Variants in DNAH8 observed in about 807,000 individuals in gnomAD.
DNAH8 encodes axonemal beta dynein heavy chain 8.
A neutral mutation model predicts 562.1 loss-of-function variants in DNAH8; 382 were observed. The ratio of observed to expected loss-of-function variants is 0.68; its 90% CI spans 0.63 to 0.74. The LOEUF (loss-of-function observed/expected upper bound fraction) is 0.74, where lower values mean the gene tolerates loss of function less well. DNAH8 is among the 30% of genes least tolerant of loss of function. The pLI is 0.00. For synonymous variants in DNAH8, 1,881 were observed against 1,919.4 expected, an observed-to-expected ratio of 0.98 and a Z score of 0.52; for missense variants, 5,203 against 5,620.4, an observed-to-expected ratio of 0.93 and a Z score of 2.37.
chr6:38,915,473 T>A, intron 68 of DNAH8, 96 bp downstream of exon 68: 2 of 1,003,086 alleles, frequency 2.0e-6, no homozygotes, highest in Non-Finnish European at 2.7e-6. Flanking sequence ...AATTGAATTC[T>A]TAATGTGATT....
At chr6:38,997,820 C>T (rs904890767) in intron 88 of DNAH8, among the ~76,000 whole-genome samples, 12 of 152,288 alleles carry the variant, frequency 7.9e-5, no homozygotes, top group South Asian at 2.1e-4. Context: ...TGCAGTGGTG[C>T]GATCTCAGCT....
chr6:38,876,036 C>T lies in DNAH8; in HGVS notation c.7858+208C>T, dbSNP rs16891162. Among the ~76,000 whole-genome samples the T allele has an allele frequency of 0.01, 1,566 of 152,276 alleles. 89 individuals are homozygous for T. The East Asian group carries it at 0.15, about 14-fold the overall frequency. Reference sequence around the variant, plus strand: ...CTGATATTGAGACTCTTGACTTCTCCTTTTGGAGTGGGCTCAGTAAAATCT... The same window carrying T: ...CTGATATTGAGACTCTTGACTTCTCTTTTTGGAGTGGGCTCAGTAAAATCT... On this transcript the variant is annotated intron_variant, in intron 53 of 92. Transcript: ENST00000327475.
chr6:38,813,041 T>C (rs912027737), intron 24 of DNAH8, among the ~76,000 whole-genome samples: 9 of 152,228 alleles, frequency 5.9e-5, no homozygotes, highest in African/African-American at 2.2e-4. Flanking sequence ...ATTTTCTCTC[T>C]CTTTGTATTT....
intron 13 of DNAH8, 86 bp downstream of exon 13, chr6:38,776,037 A>G (rs1768032029): frequency 1.2e-6 from 1 of 813,792 alleles, no homozygotes; most frequent in African/African-American, 1.7e-5. Context: ...ATTCACATGT[A>G]GTAAGTGTTT....
At chr6:38,745,561 C>G (rs760052668) in intron 8 of DNAH8, among the ~76,000 whole-genome samples, 1 of 152,136 alleles carries the variant, frequency 6.6e-6, no homozygotes, top group African/African-American at 2.4e-5. Flanking sequence ...GTACAATGAT[C>G]AAAATGAAGG....
chr6:39,015,322 T>G (rs1766491320), intron 91 of DNAH8, among the ~76,000 whole-genome samples: 1 of 152,176 alleles, frequency 6.6e-6, no homozygotes, highest in Non-Finnish European at 1.5e-5. Context: ...TCTTTAATTG[T>G]TAATATTTGT....
chr6:39,013,547 A>G (rs1766366977), intron 91 of DNAH8, among the ~76,000 whole-genome samples: 1 of 152,202 alleles, frequency 6.6e-6, no homozygotes, highest in Non-Finnish European at 1.5e-5. Context: ...GAAGGAGGGC[A>G]GTGATTAGAA....
At position 38,925,983 on chromosome 6, in the gene DNAH8, C is replaced by T. The variant is rs577145185; in HGVS notation, c.10963-72C>T. 5.3e-6 allele frequency: 7 copies of T among 1,319,066 alleles called. 1 individual carries two copies. The Admixed American group carries it at 1.2e-4, about 23-fold the overall frequency. 81.7% of individuals were successfully genotyped at this position (1,319,066 alleles called of 1,614,324 possible). On this transcript the variant is annotated intron_variant, in intron 73 of 92. Coordinates refer to ENST00000327475, the MANE Select transcript of DNAH8 (RefSeq NM_001206927.2). ...CCACATTTTAAATTATTTTACTTTA[C>T]AGTACTTTTAATTACTAATGAGGGC...
chr6:38,819,906 TA>T (rs1404355768), intron 26 of DNAH8, among the ~76,000 whole-genome samples: 1 of 152,026 alleles, frequency 6.6e-6, no homozygotes, highest in South Asian at 2.1e-4. Flanking sequence ...CAAATAAATG[TA>T]AAAAAAATTT....
intron 1 of DNAH8, among the ~76,000 whole-genome samples, chr6:38,721,342 A>ACAAC (rs1762733760): frequency 6.6e-6 from 1 of 151,402 alleles, no homozygotes; most frequent in South Asian, 2.1e-4. Flanking sequence ...AAACAAACAA[A>ACAAC]CAAACAAATA....
At chr6:38,979,667 T>C (rs984379360) in intron 85 of DNAH8, among the ~76,000 whole-genome samples, 7 of 152,166 alleles carry the variant, frequency 4.6e-5, no homozygotes, top group African/African-American at 7.2e-5. Context: ...GTAAGAAATA[T>C]AAACATGAAG....
intron 60 of DNAH8, 85 bp from the exon 61 acceptor site, chr6:38,898,173 T>G: frequency 8.2e-7 from 1 of 1,216,554 alleles, no homozygotes; most frequent in South Asian, 1.5e-5. Flanking sequence ...TATTTTAAAA[T>G]TACTTTTGAG....
intron 4 of DNAH8, among the ~76,000 whole-genome samples, chr6:38,733,116 T>A (rs1763785307): frequency 1.3e-5 from 2 of 152,166 alleles, no homozygotes; most frequent in South Asian, 4.1e-4. Flanking sequence ...GGTCTCAAAC[T>A]TCTGGGTTCA....
rs116833928 is a variant in DNAH8, at chr6:38,924,231, G to A, written c.10962+69G>A. The A allele has an allele frequency of 3.9e-3, 5,848 of 1,505,918 alleles. 71 individuals are homozygous for A. Among genetic ancestry groups the A allele is most frequent in the African/African-American group, 0.033 (2,423 of 72,834 alleles). 93.3% of individuals were successfully genotyped at this position (1,505,918 alleles called of 1,614,324 possible). On this transcript the variant is annotated intron_variant, in intron 73 of 92. Transcript: ENST00000327475. ...TTATTTCTTACTTACTGAGAAACCC[G>A]GCTGGGTGTGGTGGCTCACATCTGT...
intron 82 of DNAH8, among the ~76,000 whole-genome samples, chr6:38,961,974 A>T (rs1206479582): frequency 1.3e-5 from 2 of 152,038 alleles, no homozygotes; most frequent in Non-Finnish European, 2.9e-5. Flanking sequence ...ATAGTCTAAT[A>T]GTTCAGTGAG....
At chr6:38,746,076 G>T (rs1764903498) in intron 8 of DNAH8, among the ~76,000 whole-genome samples, 1 of 152,156 alleles carries the variant, frequency 6.6e-6, no homozygotes, top group Non-Finnish European at 1.5e-5. Context: ...ACTGTGTTAT[G>T]CCAATGGTGG....
chr6:38,747,450 G>A (rs1224285160), intron 8 of DNAH8, among the ~76,000 whole-genome samples: 3 of 143,912 alleles, frequency 2.1e-5, no homozygotes, highest in African/African-American at 7.8e-5. Flanking sequence ...GCAGAGGTGC[G>A]ATCTTGGCTC....
chr6:38,715,903 A>AAAATAAATAAATAAATAAATAAATAAAT (rs767028862), intron 1 of DNAH8, among the ~76,000 whole-genome samples: 6 of 65,226 alleles, frequency 9.2e-5, no homozygotes, highest in African/African-American at 8.8e-5. Flanking sequence ...AAAAGCTATT[A>AAAATAAATAAATAAATAAATAAATAAAT]AAATAAATAA....
chr6:38,902,668 G>A (rs1178818700), intron 62 of DNAH8, among the ~76,000 whole-genome samples: 1 of 152,154 alleles, frequency 6.6e-6, no homozygotes, highest in Admixed American at 6.5e-5. Flanking sequence ...CTGTGTCATT[G>A]TGTCTTACCA....
Sources: allele counts gnomAD v4.1 joint callset (sites outside exome capture counted in the v4.1 genomes callset), GRCh38; gene constraint gnomAD v4.1.1; transcripts MANE v1.5; gene names NCBI Gene and HGNC (gene_info 2026-07-23, HGNC 2026-07-21).